NR1H4: variants seen among roughly 807,000 people sequenced by gnomAD.
NR1H4 encodes the protein bile acid receptor.
NR1H4 carries 23 observed loss-of-function variants against 58.5 expected under a neutral mutation model. The observed-to-expected ratio is 0.39, with a 90% CI of 0.28 to 0.56. The LOEUF (loss-of-function observed/expected upper bound fraction) is 0.56. Ranked by LOEUF, NR1H4 falls within the 20% of genes least tolerant of loss-of-function variation. The probability of loss-of-function intolerance (pLI) is 0.58; values close to 1 mark genes in which losing one functional copy is unlikely to be tolerated. For synonymous variants in NR1H4, 214 were observed against 198.0 expected, an observed-to-expected ratio of 1.08 and a Z score of -0.68; for missense variants, 487 against 576.9, an observed-to-expected ratio of 0.84 and a Z score of 1.60.
intron 1 of NR1H4, among the ~76,000 whole-genome samples, chr12:100,485,122 C>T (rs1043502956): frequency 1.3e-5 from 2 of 152,230 alleles, no homozygotes; most frequent in African/African-American, 4.8e-5. Flanking sequence ...TGCCCAGTCA[C>T]ATTCTGCAGC....
intron 4 of NR1H4, among the ~76,000 whole-genome samples, chr12:100,523,404 T>C (rs1336658134): frequency 6.6e-6 from 1 of 152,186 alleles, no homozygotes; most frequent in Admixed American, 6.6e-5. Flanking sequence ...ATGAGATTAC[T>C]TGATTTTTCC....
intron 1 of NR1H4, among the ~76,000 whole-genome samples, chr12:100,478,437 T>C (rs1953314183): frequency 1.3e-5 from 2 of 152,144 alleles, no homozygotes; most frequent in South Asian, 4.1e-4. Context: ...TAGCATCTGA[T>C]TATATAATTG....
chr12:100,478,325 T>G (rs573860558), intron 1 of NR1H4, among the ~76,000 whole-genome samples: 1 of 152,340 alleles, frequency 6.6e-6, no homozygotes, highest in African/African-American at 2.4e-5. Flanking sequence ...GAGAGAGGTT[T>G]ATAATTTTTG....
intron 4 of NR1H4, among the ~76,000 whole-genome samples, chr12:100,524,868 G>C (rs61046002): frequency 6.6e-6 from 1 of 152,062 alleles, no homozygotes; most frequent in Non-Finnish European, 1.5e-5. Context: ...GAAGGGGCTG[G>C]TGGGAAGAAA....
At chr12:100,542,329 A>T (rs1372203605) in intron 9 of NR1H4, among the ~76,000 whole-genome samples, 1 of 152,128 alleles carries the variant, frequency 6.6e-6, no homozygotes, top group Admixed American at 6.5e-5. Context: ...CCTGGGCAAC[A>T]GAGTGAGACT....
chr12:100,561,364 C>T (rs1241001045), intron 9 of NR1H4, among the ~76,000 whole-genome samples: 1 of 152,058 alleles, frequency 6.6e-6, no homozygotes, highest in East Asian at 1.9e-4. Context: ...CGCCACTGCA[C>T]TCCAGCCTGG....
chr12:100,478,898 A>C (rs1389113426), intron 1 of NR1H4, among the ~76,000 whole-genome samples: 1 of 152,248 alleles, frequency 6.6e-6, no homozygotes, highest in African/African-American at 2.4e-5. Flanking sequence ...TACACTTTGA[A>C]TATTATCAAA....
chr12:100,475,127 A>ATCTATCTG (rs1953239569), intron 1 of NR1H4, among the ~76,000 whole-genome samples: 1 of 134,918 alleles, frequency 7.4e-6, no homozygotes, highest in South Asian at 2.4e-4. Flanking sequence ...TGGTTTACCT[A>ATCTATCTG]TCTATCTATC....
chr12:100,548,979 C>T (rs1323007617), intron 9 of NR1H4, among the ~76,000 whole-genome samples: 1 of 152,126 alleles, frequency 6.6e-6, no homozygotes, highest in Non-Finnish European at 1.5e-5. Flanking sequence ...GGATGTCATG[C>T]TCATCCATCC....
intron 9 of NR1H4, among the ~76,000 whole-genome samples, chr12:100,556,467 C>CAAAAAAAAAAAA (rs781520049): frequency 4.6e-5 from 4 of 87,432 alleles, no homozygotes; most frequent in Non-Finnish European, 8.8e-5. Context: ...AACTCCGTCT[C>CAAAAAAAAAAAA]AAAGAAAAAA....
In NR1H4 at chr12:100,532,330, C is replaced by T. The variant is rs1161834287; in HGVS notation, c.446-128C>T. On this transcript the variant is annotated intron_variant, in intron 4 of 10. Transcript: ENST00000392986. ...ACATAAAGTATTTGTCACTGGTGTGCTCAAGGATGGCCTGGGTGCTCTCCA... is the reference window on the plus strand; with the variant it reads ...ACATAAAGTATTTGTCACTGGTGTGTTCAAGGATGGCCTGGGTGCTCTCCA... 2.8e-5 allele frequency: 22 copies of T among 790,130 alleles called. No homozygotes were observed. In the East Asian group the frequency reaches 4.2e-4, roughly 15 times the overall value. The allele number at this position is 790,130 out of a possible 1,614,324, so 48.9% of individuals were successfully genotyped here. A position where few individuals can be genotyped will look rare whatever the true frequency, so the allele number is the denominator to read the frequency against.
At chr12:100,475,121 T>TCACCTATC (rs1555329999) in intron 1 of NR1H4, among the ~76,000 whole-genome samples, 8 of 100,444 alleles carry the variant, frequency 8.0e-5, no homozygotes, top group Non-Finnish European at 1.5e-4. Context: ...GTAAAGTGGT[T>TCACCTATC]TACCTATCTA....
chr12:100,478,473 C>A (rs1953315068), intron 1 of NR1H4, among the ~76,000 whole-genome samples: 1 of 152,102 alleles, frequency 6.6e-6, no homozygotes, highest in Non-Finnish European at 1.5e-5. Context: ...GGAAATGATA[C>A]CCTAGGAGAC....
At chr12:100,527,224 C>T (rs116616031) in intron 4 of NR1H4, among the ~76,000 whole-genome samples, 95 of 152,292 alleles carry the variant, frequency 6.2e-4, no homozygotes, top group African/African-American at 2.2e-3. Context: ...CAGCATAAGG[C>T]AGTGGTTAAG....
rs1398911213 is a variant in NR1H4, at chr12:100,483,304, A to G, written c.-189-9199A>G. On this transcript the variant is annotated intron_variant, in intron 1 of 10. Transcript: ENST00000392986. The stretch of plus-strand genomic sequence containing the variant: ...AAAACTGAGGTTGATTAGTTTGAAT[A>G]TCAGTATAAGTTGATCATAGATATG... Among the ~76,000 whole-genome samples, 6 of 152,234 alleles carry G rather than the reference A, an allele frequency of 3.9e-5. No individual in the cohort carries two copies. In the East Asian group the frequency reaches 1.2e-3, roughly 29 times the overall value.
intron 4 of NR1H4, among the ~76,000 whole-genome samples, chr12:100,526,107 T>C (rs1457899075): frequency 6.6e-6 from 1 of 152,038 alleles, no homozygotes; most frequent in African/African-American, 2.4e-5. Context: ...TATTGATCTA[T>C]TTAAAGAACC....
Position 100,510,152 on chromosome 12 carries a change from G to A in NR1H4, c.80-626G>A, listed in dbSNP as rs925808625. On this transcript the variant is annotated intron_variant, in intron 3 of 10. Transcript: ENST00000392986. The stretch of plus-strand genomic sequence containing the variant: ...ATCGTTTCCAATTTATGGCTCTTGC[G>A]AATGTGCTGCAAGTGAATATTTTTA... 8.5e-5 allele frequency among the ~76,000 whole-genome samples: 13 copies of A among 152,302 alleles called. 1 individual carries two copies. The highest frequency in any genetic ancestry group is 8.3e-4 in the South Asian group (4 of 4,828).
intron 4 of NR1H4, among the ~76,000 whole-genome samples, chr12:100,527,952 A>G (rs898097948): frequency 1.3e-5 from 2 of 152,200 alleles, no homozygotes; most frequent in African/African-American, 2.4e-5. Context: ...GCCATTTACC[A>G]TTTTAGAACA....
intron 9 of NR1H4, among the ~76,000 whole-genome samples, chr12:100,545,662 AAAAAAAAC>A (rs1211725022): frequency 4.3e-5 from 6 of 140,766 alleles, no homozygotes; most frequent in East Asian, 2.0e-4. Context: ...AAAAAAAAAA[AAAAAAAAC>A]CAAACGGGGG....
Sources: allele counts gnomAD v4.1 joint callset (sites outside exome capture counted in the v4.1 genomes callset), GRCh38; gene constraint gnomAD v4.1.1; transcripts MANE v1.5; gene names NCBI Gene and HGNC (gene_info 2026-07-23, HGNC 2026-07-21).